CHODL: variants seen among roughly 807,000 people sequenced by gnomAD.
CHODL encodes the protein transmembrane protein MT75.
Under a neutral mutation model 34.5 loss-of-function variants are expected in CHODL, and 29 were observed. That is an observed-to-expected ratio of 0.84 (90% CI 0.63 to 1.15). The LOEUF is 1.15. CHODL is among the 50% of genes most tolerant of loss of function. CHODL has a pLI of 0.00. For missense variants in CHODL, 332 were observed against 332.5 expected (o/e 1.00, Z 0.01); for synonymous variants, 125 against 116.1 (o/e 1.08, Z -0.49).
At chr21:18,260,674 C>T (rs1189408891) in intron 4 of CHODL, among the ~76,000 whole-genome samples, 2 of 151,968 alleles carry the variant, frequency 1.3e-5, no homozygotes, top group East Asian at 1.9e-4. Flanking sequence ...ACTAGCCTGG[C>T]GTGGAGGTAC....
At chr21:18,258,868 T>G (rs2074348409) in intron 3 of CHODL, among the ~76,000 whole-genome samples, 1 of 152,110 alleles carries the variant, frequency 6.6e-6, no homozygotes, top group African/African-American at 2.4e-5. Context: ...GGTTATGTAA[T>G]CAGTGCTTGA....
intron 1 of CHODL, among the ~76,000 whole-genome samples, chr21:17,973,227 A>T (rs1311196654): frequency 1.3e-5 from 2 of 152,198 alleles, no homozygotes; most frequent in Non-Finnish European, 2.9e-5. Flanking sequence ...GAACATAGGC[A>T]TGGGGAAAGA....
At chr21:18,163,767 G>C (rs997949060) in intron 2 of CHODL, among the ~76,000 whole-genome samples, 2 of 150,318 alleles carry the variant, frequency 1.3e-5, no homozygotes, top group African/African-American at 4.9e-5. Flanking sequence ...CATTTTTAGA[G>C]GGGAATCTCT....
At chr21:18,046,578 T>C (rs1049223140) in intron 2 of CHODL, among the ~76,000 whole-genome samples, 4 of 151,918 alleles carry the variant, frequency 2.6e-5, no homozygotes, top group African/African-American at 7.2e-5. Flanking sequence ...CAATGACTAG[T>C]AGAGGAACAG....
At chr21:18,097,517 G>A (rs534107227) in intron 2 of CHODL, among the ~76,000 whole-genome samples, 2 of 152,040 alleles carry the variant, frequency 1.3e-5, no homozygotes, top group Admixed American at 6.6e-5. Flanking sequence ...AGCCATGAAA[G>A]TGAAAGATCT....
At chr21:18,159,174 G>A (rs2073067889) in intron 2 of CHODL, among the ~76,000 whole-genome samples, 1 of 152,180 alleles carries the variant, frequency 6.6e-6, no homozygotes, top group Admixed American at 6.5e-5. Flanking sequence ...GCCACACAAT[G>A]CAATGCACAG....
intron 1 of CHODL, among the ~76,000 whole-genome samples, chr21:17,983,779 A>G (rs1402136179): frequency 6.6e-6 from 1 of 152,182 alleles, no homozygotes; most frequent in Non-Finnish European, 1.5e-5. Context: ...AACCGCACAT[A>G]TTTAATGGGT....
chr21:18,059,552 A>C (rs1350884840), intron 2 of CHODL, among the ~76,000 whole-genome samples: 5 of 149,442 alleles, frequency 3.3e-5, no homozygotes, highest in African/African-American at 1.2e-4. Context: ...CAGGATGTGC[A>C]GGTTTGTTAC....
intron 2 of CHODL, among the ~76,000 whole-genome samples, chr21:18,104,845 C>G (rs1414221339): frequency 1.3e-5 from 2 of 152,170 alleles, no homozygotes; most frequent in East Asian, 1.9e-4. Flanking sequence ...TAAAAGATTT[C>G]TAACCATAAT....
intron 2 of CHODL, among the ~76,000 whole-genome samples, chr21:18,087,961 A>T (rs547821476): frequency 7.2e-4 from 109 of 152,268 alleles, no homozygotes; most frequent in African/African-American, 2.5e-3. Context: ...AGGAGGCACG[A>T]TCTTCACATG....
chr21:17,918,675 C>T (rs1024537457), intron 1 of CHODL, among the ~76,000 whole-genome samples: 9 of 152,180 alleles, frequency 5.9e-5, no homozygotes, highest in Admixed American at 5.9e-4. Context: ...TCCCAAATCT[C>T]ATGTCCTCAC....
chr21:18,087,414 C>T (rs958182208), intron 2 of CHODL, among the ~76,000 whole-genome samples: 4 of 152,146 alleles, frequency 2.6e-5, no homozygotes, highest in East Asian at 1.9e-4. Flanking sequence ...GAAAATGGCA[C>T]CTTGGGCATG....
At chr21:18,092,957 G>T (rs2065091755) in intron 2 of CHODL, among the ~76,000 whole-genome samples, 1 of 152,072 alleles carries the variant, frequency 6.6e-6, no homozygotes, top group South Asian at 2.1e-4. Context: ...CCCAAACCTA[G>T]AGAAAGATAT....
At chr21:17,952,477 C>A (rs574599830) in intron 1 of CHODL, among the ~76,000 whole-genome samples, 1 of 151,598 alleles carries the variant, frequency 6.6e-6, no homozygotes, top group South Asian at 2.1e-4. Context: ...TTACCGTTAA[C>A]CAAAGAAAAA....
At chr21:18,075,112 A>G (rs1168149000) in intron 2 of CHODL, among the ~76,000 whole-genome samples, 2 of 152,328 alleles carry the variant, frequency 1.3e-5, no homozygotes, top group African/African-American at 2.4e-5. Context: ...AGTCACTTCT[A>G]TTTCAGAATG....
chr21:18,044,650 C>G (rs183504918), intron 2 of CHODL, among the ~76,000 whole-genome samples: 3 of 151,784 alleles, frequency 2.0e-5, no homozygotes, highest in African/African-American at 7.2e-5. Flanking sequence ...AAAGAAATAC[C>G]TTTTTTTTCC....
intron 1 of CHODL, among the ~76,000 whole-genome samples, chr21:18,014,271 T>C (rs964592404): frequency 6.6e-6 from 1 of 152,108 alleles, no homozygotes; most frequent in African/African-American, 2.4e-5. Flanking sequence ...ATGTGGTACA[T>C]ATATACCATG....
chr21:18,248,886 CTATAA>C (rs1221484733), intron 1 of CHODL, among the ~76,000 whole-genome samples: 2 of 103,456 alleles, frequency 1.9e-5, no homozygotes, highest in African/African-American at 5.0e-5. Context: ...TGTATTGTAC[CTATAA>C]TATAATACAT....
intron 2 of CHODL, among the ~76,000 whole-genome samples, chr21:18,201,962 A>G (rs750710380): frequency 4.0e-5 from 6 of 151,362 alleles, no homozygotes; most frequent in Non-Finnish European, 8.8e-5. Flanking sequence ...CCGCCACCAC[A>G]CTCGACTAAT....
Sources: gnomAD v4.1 joint callset for allele counts (sites outside exome capture counted in the v4.1 genomes callset) on GRCh38, gnomAD v4.1.1 for gene constraint, MANE v1.5 for transcripts, NCBI Gene and HGNC (gene_info 2026-07-23, HGNC 2026-07-21) for gene names.